Variants in FGGY observed in about 807,000 individuals in gnomAD.
The protein encoded by FGGY is FGGY carbohydrate kinase domain-containing protein.
Under a neutral mutation model 71.3 loss-of-function variants are expected in FGGY, and 72 were observed. The observed-to-expected ratio is 1.01, with a 90% CI of 0.84 to 1.23. FGGY has a LOEUF of 1.23. Among genes scored for constraint, FGGY ranks in the 50% most tolerant of loss-of-function variants. The pLI, the probability that FGGY is intolerant of heterozygous loss-of-function variation, is 0.00. For missense variants in FGGY, 668 were observed against 682.3 expected (o/e 0.98, Z 0.23); for synonymous variants, 251 against 250.3 (o/e 1.00, Z -0.02).
At chr1:59,726,975 C>T (rs2097955238) in intron 14 of FGGY, among the ~76,000 whole-genome samples, 1 of 152,062 alleles carries the variant, frequency 6.6e-6, no homozygotes, top group Non-Finnish European at 1.5e-5. Flanking sequence ...GGTTTGGGTA[C>T]AGATCCTTTC....
At chr1:59,656,753 T>C (rs2097221819) in intron 11 of FGGY, among the ~76,000 whole-genome samples, 1 of 152,230 alleles carries the variant, frequency 6.6e-6, no homozygotes, top group Non-Finnish European at 1.5e-5. Context: ...AGAAATCTCT[T>C]CTAGAATTTC....
At chr1:59,602,973 G>A (rs1301890155) in intron 8 of FGGY, among the ~76,000 whole-genome samples, 1 of 152,110 alleles carries the variant, frequency 6.6e-6, no homozygotes, top group African/African-American at 2.4e-5. Flanking sequence ...TAGCTTTATT[G>A]AGCTCAGTGT....
chr1:59,454,179 G>C (rs1557976192), intron 5 of FGGY, among the ~76,000 whole-genome samples: 1 of 146,280 alleles, frequency 6.8e-6, no homozygotes, highest in Non-Finnish European at 1.5e-5. Context: ...AGTCAAAGTA[G>C]AGGCCCAGCA....
rs748561599 is a variant in FGGY at position 59,554,200 on chromosome 1, C to T, written c.876C>T (p.Ile292=). ...CAGTGACGTCACGGCTGGCTGTCAT[C>T]TGTGGAACGTCTTCTTGTCACATGG... ...GQPVTSRLAV[I]CGTSSCHMGI... is the part of the protein sequence containing the mutation. Residue 292 remains isoleucine, a synonymous_variant, in exon 8 of 16, where the codon ATC becomes ATT. Transcript: ENST00000303721. The T allele has an allele frequency of 1.2e-6, 2 of 1,613,642 alleles. No homozygotes were observed. The highest frequency in any genetic ancestry group is 1.1e-5 in the South Asian group (1 of 91,048).
chr1:59,543,696 T>C (rs1426004213), intron 7 of FGGY, among the ~76,000 whole-genome samples: 1 of 152,156 alleles, frequency 6.6e-6, no homozygotes, highest in Non-Finnish European at 1.5e-5. Flanking sequence ...TTTTTTTCCT[T>C]AAATTTCAGG....
intron 1 of FGGY, chr1:59,316,088 T>C (rs1248453917): frequency 6.6e-6 from 1 of 152,252 alleles, no homozygotes; most frequent in Non-Finnish European, 1.5e-5. Flanking sequence ...GTCATTTCTA[T>C]TAAGACTGAG....
At chr1:59,742,442 C>A (rs2098158966) in intron 14 of FGGY, among the ~76,000 whole-genome samples, 1 of 152,236 alleles carries the variant, frequency 6.6e-6, no homozygotes, top group Admixed American at 6.5e-5. Context: ...TCCCGCTGTT[C>A]TGAATGTTTC....
intron 11 of FGGY, among the ~76,000 whole-genome samples, chr1:59,641,871 C>T (rs191072059): frequency 2.7e-4 from 41 of 152,318 alleles, no homozygotes; most frequent in Admixed American, 2.4e-3. Flanking sequence ...TGCTCCCTTG[C>T]ATAAAAGCAC....
chr1:59,759,177 G>A (rs2098320930), intron 15 of FGGY, among the ~76,000 whole-genome samples: 2 of 152,208 alleles, frequency 1.3e-5, no homozygotes, highest in Non-Finnish European at 2.9e-5. Flanking sequence ...ACAGGCAAAT[G>A]TGCAGATCCC....
chr1:59,397,138 A>G (rs2061421617), intron 5 of FGGY, among the ~76,000 whole-genome samples: 1 of 152,120 alleles, frequency 6.6e-6, no homozygotes, highest in Non-Finnish European at 1.5e-5. Context: ...CTGAAAGTCA[A>G]GACCCAAGGA....
intron 13 of FGGY, among the ~76,000 whole-genome samples, chr1:59,668,639 C>T (rs562886347): frequency 6.6e-6 from 1 of 152,110 alleles, no homozygotes; most frequent in East Asian, 1.9e-4. Flanking sequence ...GTCACTTATT[C>T]CCAGCTTAGA....
chr1:59,743,308 T>C (rs2098165924), intron 14 of FGGY, among the ~76,000 whole-genome samples: 1 of 152,206 alleles, frequency 6.6e-6, no homozygotes, highest in Admixed American at 6.5e-5. Flanking sequence ...AGTTTTGTCT[T>C]CCTCTTCCTG....
intron 12 of FGGY, among the ~76,000 whole-genome samples, chr1:59,663,095 C>G (rs2097292300): frequency 6.6e-6 from 1 of 152,180 alleles, no homozygotes; most frequent in Admixed American, 6.5e-5. Flanking sequence ...TGACAGTTAC[C>G]TTTCGTCAGA....
At position 59,535,961 on chromosome 1, in the gene FGGY, A is replaced by G. The variant is rs543516774; in HGVS notation, c.800-18163A>G. ...AGCAAACACATTCAAAAGCTAGCAG[A>G]AGGCAAGAAATAACTAAAATCACAG... On this transcript the variant is annotated intron_variant, in intron 7 of 15. Coordinates refer to ENST00000303721, the MANE Select transcript of FGGY (RefSeq NM_018291.5). Among the ~76,000 whole-genome samples, 32 of 148,720 alleles carry G rather than the reference A, an allele frequency of 2.2e-4. 1 individual carries two copies. Among genetic ancestry groups the G allele is most frequent in the Non-Finnish European group, 3.4e-4 (23 of 67,804 alleles).
chr1:59,320,538 C>T (rs12562718), intron 1 of FGGY, among the ~76,000 whole-genome samples: 16,346 of 152,166 alleles, frequency 0.11, 901 homozygotes, highest in Middle Eastern at 0.12. Flanking sequence ...GATTCCATGT[C>T]ATGTGGGCTA....
intron 14 of FGGY, among the ~76,000 whole-genome samples, chr1:59,687,099 C>CT (rs1290391170): frequency 1.3e-5 from 2 of 152,232 alleles, no homozygotes; most frequent in Non-Finnish European, 2.9e-5. Flanking sequence ...CCCTGCTCTG[C>CT]TGTGTGTTAC....
chr1:59,450,487 T>C (rs1477137600), intron 5 of FGGY, among the ~76,000 whole-genome samples: 1 of 152,182 alleles, frequency 6.6e-6, no homozygotes, highest in East Asian at 1.9e-4. Flanking sequence ...AGTTTCTGCA[T>C]GAATTATAAA....
At chr1:59,679,986 A>G (rs1407220792) in intron 14 of FGGY, among the ~76,000 whole-genome samples, 1 of 152,212 alleles carries the variant, frequency 6.6e-6, no homozygotes, top group African/African-American at 2.4e-5. Context: ...TTGTTCAGGC[A>G]AAAAGTGTGC....
intron 7 of FGGY, among the ~76,000 whole-genome samples, chr1:59,525,086 G>C (rs2094940423): frequency 6.6e-6 from 1 of 152,232 alleles, no homozygotes; most frequent in Admixed American, 6.5e-5. Flanking sequence ...TCCAGATGCG[G>C]GTGCCCATAG....
Sources: allele counts gnomAD v4.1 joint callset (sites outside exome capture counted in the v4.1 genomes callset), GRCh38; gene constraint gnomAD v4.1.1; transcripts MANE v1.5; gene names NCBI Gene and HGNC (gene_info 2026-07-23, HGNC 2026-07-21).